CCDC102B: variants seen among roughly 807,000 people sequenced by gnomAD.
The protein encoded by CCDC102B is coiled-coil domain containing 102B, also known as coiled-coil domain-containing protein 102B.
CCDC102B carries 75 observed loss-of-function variants against 57.4 expected under a neutral mutation model. That is an observed-to-expected ratio of 1.31 (90% CI 1.08 to 1.58). The LOEUF is 1.58. Among genes scored for constraint, CCDC102B ranks in the 40% most tolerant of loss-of-function variants. The probability of loss-of-function intolerance (pLI) is 0.00; values close to 1 mark genes in which losing one functional copy is unlikely to be tolerated. For synonymous variants in CCDC102B, 206 were observed against 201.9 expected, an observed-to-expected ratio of 1.02 and a Z score of -0.17; for missense variants, 636 against 582.6, an observed-to-expected ratio of 1.09 and a Z score of -0.94.
chr18:68,874,621 C>T (rs1436179011), intron 4 of CCDC102B, 48 bp from the exon 5 acceptor site: 4 of 1,207,610 alleles, frequency 3.3e-6, no homozygotes, highest in Non-Finnish European at 4.9e-6. Flanking sequence ...TATCCTGTAA[C>T]CACCCTATAT....
intron 5 of CCDC102B, among the ~76,000 whole-genome samples, chr18:68,877,704 C>A (rs1464739781): frequency 6.6e-6 from 1 of 152,196 alleles, no homozygotes; most frequent in African/African-American, 2.4e-5. Context: ...ACTTTTCCAT[C>A]ATTATCATCA....
chr18:68,940,457 T>C (rs1056279562), intron 6 of CCDC102B, among the ~76,000 whole-genome samples: 8 of 151,858 alleles, frequency 5.3e-5, no homozygotes, highest in African/African-American at 1.7e-4. Context: ...ACATTACATA[T>C]AGGGAAGGTC....
chr18:68,749,133 A>G (rs1262416433), intron 2 of CCDC102B, among the ~76,000 whole-genome samples: 1 of 152,046 alleles, frequency 6.6e-6, no homozygotes, highest in Non-Finnish European at 1.5e-5. Flanking sequence ...CCATTGGTCT[A>G]TATCTCTGTT....
chr18:68,997,662 C>A (rs768244505), intron 6 of CCDC102B, among the ~76,000 whole-genome samples: 2 of 151,774 alleles, frequency 1.3e-5, no homozygotes, highest in Non-Finnish European at 2.9e-5. Context: ...TAATTTTGAT[C>A]TTTTATATAT....
chr18:68,988,418 G>A (rs1226358356), intron 6 of CCDC102B, among the ~76,000 whole-genome samples: 1 of 151,750 alleles, frequency 6.6e-6, no homozygotes, highest in Admixed American at 6.6e-5. Flanking sequence ...GAGGGTATGG[G>A]TTGAGCAAGG....
upstream of CCDC102B, among the ~76,000 whole-genome samples, chr18:68,796,885 G>A (rs889747065): frequency 6.6e-6 from 1 of 151,172 alleles, no homozygotes; most frequent in African/African-American, 2.4e-5. Flanking sequence ...TCACTTTGAT[G>A]AATTAAAATC....
At chr18:68,998,481 G>T (rs963054545) in intron 6 of CCDC102B, among the ~76,000 whole-genome samples, 12 of 149,052 alleles carry the variant, frequency 8.1e-5, no homozygotes, top group African/African-American at 2.4e-4. Flanking sequence ...GAGACTAATA[G>T]GATAGATGCA....
chr18:68,856,819 T>C lies in CCDC102B; in HGVS notation c.936+10398T>C, dbSNP rs536840203. ...TAATGATTTATTTATTTTATAGCTA[T>C]GATTGATTGAAATATTATGGATGAA... On this transcript the variant is annotated intron_variant, in intron 4 of 7. Coordinates refer to ENST00000360242, the MANE Select transcript of CCDC102B (RefSeq NM_024781.3). 5.6e-3 allele frequency among the ~76,000 whole-genome samples: 845 copies of C among 151,548 alleles called. 9 individuals are homozygous for C. Among genetic ancestry groups the C allele is most frequent in the South Asian group, 0.029 (141 of 4,820 alleles).
At chr18:68,893,297 A>C (rs1219036276) in intron 5 of CCDC102B, among the ~76,000 whole-genome samples, 1 of 152,210 alleles carries the variant, frequency 6.6e-6, no homozygotes, top group Admixed American at 6.5e-5. Context: ...TGAGGCAATC[A>C]GTCTAAAAGG....
intron 1 of CCDC102B, among the ~76,000 whole-genome samples, chr18:68,808,547 C>G (rs758971977): frequency 1.1e-3 from 168 of 149,080 alleles, no homozygotes; most frequent in Non-Finnish European, 2.0e-3. Flanking sequence ...GCGCTATCTC[C>G]GCTCACTGCA....
At chr18:68,744,342 G>A (rs997162208) in intron 2 of CCDC102B, among the ~76,000 whole-genome samples, 98 of 152,218 alleles carry the variant, frequency 6.4e-4, no homozygotes, top group African/African-American at 2.3e-3. Flanking sequence ...ATTGAACTGT[G>A]GAGGTTTTAA....
At chr18:69,031,648 A>T (rs2052148978) in intron 7 of CCDC102B, among the ~76,000 whole-genome samples, 1 of 151,942 alleles carries the variant, frequency 6.6e-6, no homozygotes, top group African/African-American at 2.4e-5. Flanking sequence ...ACTTTTTTGG[A>T]TGAAGATCTT....
intron 7 of CCDC102B, among the ~76,000 whole-genome samples, chr18:69,020,373 C>T (rs563816389): frequency 1.3e-5 from 2 of 152,132 alleles, no homozygotes; most frequent in South Asian, 4.2e-4. Context: ...GAGCTAGGCG[C>T]ACTGTATGGT....
rs1010890108 is a variant in CCDC102B, at chr18:69,054,470, A to T, written c.*333A>T. On this transcript the variant is annotated 3_prime_UTR_variant, in exon 8 of 8. Transcript: ENST00000360242. ...TAAGAAAAAGTAAGTTGAAAACCAT[A>T]CAAGACGCTGGGTCATTAATAAGAA... 9.8e-7 allele frequency: 1 copy of T among 1,019,730 alleles called. No homozygotes were observed. Among genetic ancestry groups the T allele is most frequent in the Non-Finnish European group, 1.2e-6 (1 of 852,818 alleles). The allele number at this position is 1,019,730 out of a possible 1,614,324, so 63.2% of individuals were successfully genotyped here.
intron 2 of CCDC102B, among the ~76,000 whole-genome samples, chr18:68,789,836 A>C (rs1452734663): frequency 2.0e-5 from 3 of 151,358 alleles, no homozygotes; most frequent in Non-Finnish European, 4.4e-5. Flanking sequence ...AGCTCGTCAA[A>C]GTCATTCTCC....
In CCDC102B at chr18:68,878,557, C is replaced by T. The variant is rs545935781; in HGVS notation, c.1053+3772C>T. 5.3e-5 allele frequency among the ~76,000 whole-genome samples: 8 copies of T among 152,080 alleles called. No homozygotes were observed. In the South Asian group the frequency reaches 1.7e-3, roughly 32 times the overall value. ...TTATGAGGGCAATTAGAATTAGTGC[C>T]CTTAAAAAAGAGACCCCAGAGAGTT... On this transcript the variant is annotated intron_variant, in intron 5 of 7. Transcript: ENST00000360242.
downstream of CCDC102B, among the ~76,000 whole-genome samples, chr18:69,058,110 C>T (rs2052845353): frequency 1.3e-5 from 2 of 152,000 alleles, no homozygotes; most frequent in South Asian, 4.1e-4. Context: ...GTTTTCTGTT[C>T]CTGCATTAAC....
At chr18:68,791,387 T>C (rs2035453953) in intron 2 of CCDC102B, among the ~76,000 whole-genome samples, 1 of 152,170 alleles carries the variant, frequency 6.6e-6, no homozygotes, top group Non-Finnish European at 1.5e-5. Context: ...AAGCAGTGCT[T>C]AGCCTTATTG....
At chr18:68,950,421 T>C (rs1425018055) in intron 6 of CCDC102B, among the ~76,000 whole-genome samples, 2 of 152,092 alleles carry the variant, frequency 1.3e-5, no homozygotes, top group South Asian at 2.1e-4. Context: ...TCTTAGTAAT[T>C]TGGCCAATAT....
Sources: gnomAD v4.1 joint callset for allele counts (sites outside exome capture counted in the v4.1 genomes callset) on GRCh38, gnomAD v4.1.1 for gene constraint, MANE v1.5 for transcripts, NCBI Gene and HGNC (gene_info 2026-07-23, HGNC 2026-07-21) for gene names.